GULP1: variants seen among roughly 807,000 people sequenced by gnomAD.
GULP1 encodes GULP PTB domain containing engulfment adaptor 1.
A neutral mutation model predicts 40.9 loss-of-function variants in GULP1; 19 were observed. The observed-to-expected ratio is 0.46, with a 90% CI of 0.32 to 0.68. The LOEUF (loss-of-function observed/expected upper bound fraction) is 0.68. Among genes scored for constraint, GULP1 ranks in the 30% least tolerant of loss-of-function variants. GULP1 has a pLI of 0.03. For missense variants in GULP1, 312 were observed against 362.2 expected (o/e 0.86, Z 1.12); for synonymous variants, 119 against 117.6 (o/e 1.01, Z -0.08).
At chr2:188,301,065 AGTGCACTG>A (rs2036050476) in intron 1 of GULP1, among the ~76,000 whole-genome samples, 1 of 152,094 alleles carries the variant, frequency 6.6e-6, no homozygotes, top group African/African-American at 2.4e-5. Context: ...CCCAACCCGG[AGTGCACTG>A]GTGCAATCAT....
At chr2:188,551,440 T>C (rs1693419813) in intron 7 of GULP1, among the ~76,000 whole-genome samples, 1 of 151,734 alleles carries the variant, frequency 6.6e-6, no homozygotes, top group Non-Finnish European at 1.5e-5. Flanking sequence ...TTTTGTGCCT[T>C]ATTTATTTCA....
At chr2:188,308,100 A>G (rs1024547037) in intron 1 of GULP1, among the ~76,000 whole-genome samples, 4 of 19,418 alleles carry the variant, frequency 2.1e-4, no homozygotes, top group African/African-American at 6.7e-4. Context: ...CTACAGTCTG[A>G]ATCTTTTAGG....
intron 1 of GULP1, among the ~76,000 whole-genome samples, chr2:188,362,184 A>G (rs1444725129): frequency 2.0e-5 from 3 of 152,118 alleles, no homozygotes; most frequent in Non-Finnish European, 4.4e-5. Flanking sequence ...CACATTACAA[A>G]CAAAACTCTG....
intron 2 of GULP1, among the ~76,000 whole-genome samples, chr2:188,476,496 G>A (rs1236754722): frequency 6.6e-6 from 1 of 151,886 alleles, no homozygotes; most frequent in Non-Finnish European, 1.5e-5. Context: ...TTTGATTTCT[G>A]TTGAAGCAGG....
At chr2:188,515,380 T>C (rs2153220022) in intron 4 of GULP1, among the ~76,000 whole-genome samples, 1 of 152,302 alleles carries the variant, frequency 6.6e-6, no homozygotes, top group Non-Finnish European at 1.5e-5. Context: ...CAGCCTTTCA[T>C]TGAGACCTTT....
intron 2 of GULP1, among the ~76,000 whole-genome samples, chr2:188,408,998 A>C (rs979086807): frequency 6.6e-6 from 1 of 152,196 alleles, no homozygotes; most frequent in African/African-American, 2.4e-5. Context: ...AAACAGTTCT[A>C]AGAAGAAAGT....
Position 188,477,710 on chromosome 2 carries a change from G to A in GULP1, c.8G>A (p.Arg3His), listed in dbSNP as rs756509880. Residue 3 changes from arginine to histidine, a missense_variant, in exon 3 of 12, where the codon CGT becomes CAT. By Grantham distance (29) the Arg-to-His change is conservative (BLOSUM62 0). Coordinates refer to ENST00000409830, the MANE Select transcript of GULP1 (RefSeq NM_016315.4). ...ATTTGGCTGATCCTCATCATGAACC[G>A]TGCTTTTAGCAGGAAGAAAGGTAAG... MN[R>H]AFSRKKDKTW... The A allele has an allele frequency of 1.6e-5, 25 of 1,600,408 alleles. No homozygotes were observed. The highest frequency in any genetic ancestry group is 3.5e-5 in the Admixed American group (2 of 57,294).
intron 1 of GULP1, among the ~76,000 whole-genome samples, chr2:188,379,275 A>G (rs2048706986): frequency 6.6e-6 from 1 of 152,190 alleles, no homozygotes; most frequent in African/African-American, 2.4e-5. Context: ...CTCATCCGCT[A>G]TCGCTTTTTT....
chr2:188,484,123 G>T (rs1269937776), intron 4 of GULP1, among the ~76,000 whole-genome samples: 2 of 151,968 alleles, frequency 1.3e-5, no homozygotes, highest in African/African-American at 4.8e-5. Flanking sequence ...GCCCATGCTG[G>T]TCTCGAACTC....
At chr2:188,305,369 C>G (rs1292428995) in intron 1 of GULP1, among the ~76,000 whole-genome samples, 1 of 152,124 alleles carries the variant, frequency 6.6e-6, no homozygotes, top group African/African-American at 2.4e-5. Flanking sequence ...GATTGACAAC[C>G]AACAGTGTAG....
At chr2:188,524,715 G>A (rs1685717868) in intron 5 of GULP1, among the ~76,000 whole-genome samples, 1 of 150,666 alleles carries the variant, frequency 6.6e-6, no homozygotes, top group African/African-American at 2.4e-5. Context: ...ATGGCCAGTA[G>A]GTGGTGGTGT....
At chr2:188,526,553 G>T (rs1319124643) in intron 5 of GULP1, among the ~76,000 whole-genome samples, 2 of 152,110 alleles carry the variant, frequency 1.3e-5, no homozygotes, top group African/African-American at 4.8e-5. Context: ...AAGGGACTTA[G>T]AGGGGAGCAT....
Position 188,453,673 on chromosome 2 carries a change from C to T in GULP1, c.-44-23986C>T, listed in dbSNP as rs182277958. 4.6e-5 allele frequency among the ~76,000 whole-genome samples: 7 copies of T among 152,244 alleles called. No individual in the cohort carries two copies. In the East Asian group the frequency reaches 5.8e-4, roughly 13 times the overall value. On this transcript the variant is annotated intron_variant, in intron 2 of 11. Coordinates refer to ENST00000409830, the MANE Select transcript of GULP1 (RefSeq NM_016315.4). The stretch of plus-strand genomic sequence containing the variant: ...AGAGAGCAATGGCCAATATGTAGTT[C>T]GAATTATTATCTTTTTCTCTGCATA...
chr2:188,467,085 G>C (rs748517180), intron 2 of GULP1, among the ~76,000 whole-genome samples: 3 of 151,770 alleles, frequency 2.0e-5, no homozygotes, highest in Non-Finnish European at 4.4e-5. Flanking sequence ...AAGCAAGACT[G>C]ACAAGGGTCT....
chr2:188,456,352 TGAGGTCCCCG>T (rs2059261769), intron 2 of GULP1, among the ~76,000 whole-genome samples: 1 of 152,172 alleles, frequency 6.6e-6, no homozygotes, highest in Non-Finnish European at 1.5e-5. Context: ...GGGCTGGGCC[TGAGGTCCCCG>T]TGCTGTGTGC....
intron 6 of GULP1, among the ~76,000 whole-genome samples, chr2:188,534,133 C>G (rs1426421711): frequency 6.6e-6 from 1 of 152,110 alleles, no homozygotes. Flanking sequence ...GTTGTATATA[C>G]TTGGTATATA....
At chr2:188,565,717 A>T (rs1174956771) in intron 7 of GULP1, among the ~76,000 whole-genome samples, 1 of 152,094 alleles carries the variant, frequency 6.6e-6, no homozygotes, top group Non-Finnish European at 1.5e-5. Context: ...CTACAAAAAG[A>T]TCTTAGAAGA....
chr2:188,349,466 T>C (rs2044154034), intron 1 of GULP1, among the ~76,000 whole-genome samples: 1 of 152,222 alleles, frequency 6.6e-6, no homozygotes, highest in African/African-American at 2.4e-5. Context: ...TCTTTGTGGC[T>C]TTGATTTGCA....
chr2:188,515,878 G>C (rs1383511923), intron 4 of GULP1, among the ~76,000 whole-genome samples: 3 of 151,820 alleles, frequency 2.0e-5, no homozygotes, highest in Non-Finnish European at 4.4e-5. Flanking sequence ...TATCTTCTGG[G>C]GGCTTAATTT....
Sources: allele counts gnomAD v4.1 joint callset (sites outside exome capture counted in the v4.1 genomes callset), GRCh38; gene constraint gnomAD v4.1.1; transcripts MANE v1.5; gene names NCBI Gene and HGNC (gene_info 2026-07-23, HGNC 2026-07-21).